RBFOX1: variants seen among roughly 807,000 people sequenced by gnomAD.
RBFOX1 encodes the protein RNA binding fox-1 homolog 1.
RBFOX1 carries 8 observed loss-of-function variants against 57.7 expected under a neutral mutation model. That is an observed-to-expected ratio of 0.14 (90% CI 0.08 to 0.25). The LOEUF is 0.25. Ranked by LOEUF, RBFOX1 falls within the 10% of genes least tolerant of loss-of-function variation. The probability of loss-of-function intolerance (pLI) is 1.00; values close to 1 mark genes in which losing one functional copy is unlikely to be tolerated. For missense variants in RBFOX1, 611 were observed against 548.5 expected (o/e 1.11, Z -1.14); for synonymous variants, 326 against 222.4 (o/e 1.47, Z -4.15).
At chr16:6,143,000 T>C in intron 1 of RBFOX1, among the ~76,000 whole-genome samples, 1 of 152,184 alleles carries the variant, frequency 6.6e-6, no homozygotes, top group East Asian at 1.9e-4. Context: ...AGCAAGGTAA[T>C]AGTATTTTTT....
intron 3 of RBFOX1, among the ~76,000 whole-genome samples, chr16:6,905,795 T>G (rs1255677750): frequency 2.0e-5 from 3 of 152,216 alleles, no homozygotes; most frequent in African/African-American, 7.2e-5. Flanking sequence ...GAGCCGGTCC[T>G]GCCTAGGAAA....
intron 3 of RBFOX1, among the ~76,000 whole-genome samples, chr16:5,757,025 G>C (rs915868269): frequency 6.6e-6 from 1 of 152,124 alleles, no homozygotes; most frequent in African/African-American, 2.4e-5. Flanking sequence ...ATTTAATTCA[G>C]ATGTTTCTGG....
chr16:5,886,242 A>C (rs2057896630), intron 4 of RBFOX1, among the ~76,000 whole-genome samples: 1 of 152,182 alleles, frequency 6.6e-6, no homozygotes, highest in African/African-American at 2.4e-5. Flanking sequence ...TAATACCGTT[A>C]CCTTGGACAA....
chr16:6,905,493 C>G (rs996776488), intron 3 of RBFOX1, among the ~76,000 whole-genome samples: 3 of 150,454 alleles, frequency 2.0e-5, no homozygotes, highest in Non-Finnish European at 4.4e-5. Context: ...GCATAGGTTG[C>G]AGTGAGCCAA....
At chr16:5,264,667 T>C (rs2151106844) in intron 1 of RBFOX1, among the ~76,000 whole-genome samples, 1 of 152,320 alleles carries the variant, frequency 6.6e-6, no homozygotes, top group Non-Finnish European at 1.5e-5. Flanking sequence ...CTTCATGCAT[T>C]GCCCTGTGAT....
intron 2 of RBFOX1, among the ~76,000 whole-genome samples, chr16:6,401,145 G>A (rs554344934): frequency 3.9e-5 from 6 of 152,154 alleles, no homozygotes; most frequent in African/African-American, 1.4e-4. Context: ...TATGAACCTG[G>A]AACAACTCTT....
chr16:6,461,986 A>G (rs963992592), intron 2 of RBFOX1, among the ~76,000 whole-genome samples: 2 of 152,198 alleles, frequency 1.3e-5, no homozygotes, highest in African/African-American at 2.4e-5. Context: ...CACACGATGC[A>G]TCTTTCTAGA....
chr16:7,466,071 C>G (rs2060465925), intron 4 of RBFOX1, among the ~76,000 whole-genome samples: 1 of 152,292 alleles, frequency 6.6e-6, no homozygotes, highest in Admixed American at 6.5e-5. Flanking sequence ...TGCTCAGAGA[C>G]TTTCTCCAGG....
chr16:5,997,632 A>T (rs1157175851), intron 4 of RBFOX1, among the ~76,000 whole-genome samples: 2 of 152,190 alleles, frequency 1.3e-5, no homozygotes, highest in Non-Finnish European at 2.9e-5. Context: ...TGATAAATGA[A>T]TTATGCCAAG....
intron 4 of RBFOX1, among the ~76,000 whole-genome samples, chr16:7,350,652 C>A (rs182628284): frequency 4.6e-5 from 7 of 152,260 alleles, no homozygotes; most frequent in Admixed American, 2.0e-4. Flanking sequence ...ACGACCAGTA[C>A]CATGTTATCC....
intron 1 of RBFOX1, among the ~76,000 whole-genome samples, chr16:6,136,866 C>A (rs2096671023): frequency 6.6e-6 from 1 of 152,054 alleles, no homozygotes; most frequent in Non-Finnish European, 1.5e-5. Context: ...TAGTTGTGTT[C>A]CTTGGAAGCT....
intron 4 of RBFOX1, among the ~76,000 whole-genome samples, chr16:7,214,026 C>T (rs565359775): frequency 3.3e-5 from 5 of 152,176 alleles, no homozygotes; most frequent in Non-Finnish European, 5.9e-5. Context: ...TTTGACCTCT[C>T]CCCTTTGCCT....
At chr16:6,339,093 G>A (rs555101602) in intron 2 of RBFOX1, among the ~76,000 whole-genome samples, 2 of 152,152 alleles carry the variant, frequency 1.3e-5, no homozygotes, top group South Asian at 4.1e-4. Flanking sequence ...GTGAAAGCGG[G>A]CAGAAAACAA....
chr16:7,045,582 G>A lies in RBFOX1; in HGVS notation c.-15-6475G>A, dbSNP rs982345443. ...CTGGTTCCTTCAGTGTCGTCATTGT[G>A]CTTTTGTGAGTCTGGCAAATCCTTG... is the stretch of plus-strand genomic sequence containing the variant. On this transcript the variant is annotated intron_variant, in intron 3 of 15. Transcript: ENST00000550418. 2.6e-5 allele frequency among the ~76,000 whole-genome samples: 4 copies of A among 152,092 alleles called. No homozygotes were observed. In the South Asian group the frequency reaches 8.3e-4, roughly 32 times the overall value.
chr16:6,243,457 T>G (rs2097550773), intron 1 of RBFOX1, among the ~76,000 whole-genome samples: 1 of 152,188 alleles, frequency 6.6e-6, no homozygotes, highest in African/African-American at 2.4e-5. Context: ...TTACGGTTTA[T>G]GAGGAGACCT....
chr16:7,126,330 G>T (rs562234873), intron 4 of RBFOX1: 2 of 290,930 alleles, frequency 6.9e-6, no homozygotes, highest in Admixed American at 3.8e-5. Flanking sequence ...GGCAGCACCC[G>T]CAGGTCTAAA....
At chr16:6,245,310 G>A (rs1469073534) in intron 1 of RBFOX1, among the ~76,000 whole-genome samples, 1 of 152,112 alleles carries the variant, frequency 6.6e-6, no homozygotes, top group African/African-American at 2.4e-5. Context: ...ATCTGGCCCT[G>A]AATACCTTGC....
At chr16:6,249,771 T>TA (rs2097592773) in intron 1 of RBFOX1, among the ~76,000 whole-genome samples, 1 of 60,396 alleles carries the variant, frequency 1.7e-5, no homozygotes, top group African/African-American at 5.1e-5. Context: ...ACATTTTTTT[T>TA]CTTTTTTTTT....
chr16:6,878,691 C>G (rs984802637), intron 3 of RBFOX1, among the ~76,000 whole-genome samples: 1 of 152,074 alleles, frequency 6.6e-6, no homozygotes. Context: ...CAGCAAGAAA[C>G]AGAAAGTAAC....
Sources: allele counts gnomAD v4.1 joint callset (sites outside exome capture counted in the v4.1 genomes callset), GRCh38; gene constraint gnomAD v4.1.1; transcripts MANE v1.5; gene names NCBI Gene and HGNC (gene_info 2026-07-23, HGNC 2026-07-21).